Variants in DAB1 observed in about 807,000 individuals in gnomAD.
The protein encoded by DAB1 is DAB adaptor protein 1.
Under a neutral mutation model 64.6 loss-of-function variants are expected in DAB1, and 15 were observed. The ratio of observed to expected loss-of-function variants is 0.23; its 90% CI spans 0.16 to 0.36. The LOEUF (loss-of-function observed/expected upper bound fraction) is 0.36, where lower values mean the gene tolerates loss of function less well. DAB1 is among the 10% of genes least tolerant of loss of function. The probability of loss-of-function intolerance (pLI) is 1.00; values close to 1 mark genes in which losing one functional copy is unlikely to be tolerated. For missense variants in DAB1, 596 were observed against 706.7 expected (o/e 0.84, Z 1.78); for synonymous variants, 235 against 251.9 (o/e 0.93, Z 0.64).
At chr1:57,971,429 T>C (rs916069479) in intron 5 of DAB1, among the ~76,000 whole-genome samples, 6 of 152,062 alleles carry the variant, frequency 3.9e-5, no homozygotes, top group Admixed American at 3.9e-4. Context: ...AGGTCTAGAG[T>C]TCTGAAAAAT....
rs150033512 is a variant in DAB1, at chr1:57,949,235, C to T, written n.388-65073G>A. ...GATCATCAGGCATTAGTTTGATTCTCACAAGGAGTGCACAGCCTAGATCCC... is the reference window on the plus strand; with the variant it reads ...GATCATCAGGCATTAGTTTGATTCTTACAAGGAGTGCACAGCCTAGATCCC... On this transcript the variant is annotated intron_variant and non_coding_transcript_variant, in intron 5 of 20. Coordinates refer to the DAB1 transcript ENST00000485760. 1.5e-3 allele frequency among the ~76,000 whole-genome samples: 226 copies of T among 152,254 alleles called. 1 individual carries two copies. Among genetic ancestry groups the T allele is most frequent in the African/African-American group, 4.7e-3 (195 of 41,558 alleles).
intron 5 of DAB1, among the ~76,000 whole-genome samples, chr1:57,942,800 A>G (rs1036934340): frequency 8.6e-5 from 13 of 152,010 alleles, no homozygotes; most frequent in Non-Finnish European, 1.3e-4. Context: ...CTGCCTGCTC[A>G]CTCTGGTTAG....
rs1428140129 is a variant in DAB1 at position 58,518,354 on chromosome 1, G to GAAGAGAAGA, written n.107+8906_107+8907insTCTTCTCTT. ...AGAAGAGAAGAGAAGAGAAGAGAAG[G>GAAGAGAAGA]GAAGGGAAGAGAAGAGAAGGGAAGA... On this transcript the variant is annotated intron_variant and non_coding_transcript_variant, in intron 2 of 20. Transcript: ENST00000485760. Among the ~76,000 whole-genome samples the GAAGAGAAGA allele has an allele frequency of 4.3e-3, 140 of 32,368 alleles. 3 individuals carry two copies. Among genetic ancestry groups the GAAGAGAAGA allele is most frequent in the Non-Finnish European group, 7.8e-3 (99 of 12,672 alleles). 21.2% of individuals were successfully genotyped at this position (32,368 alleles called of 152,430 possible).
chr1:57,096,404 A>T (rs1557712104), intron 4 of DAB1, among the ~76,000 whole-genome samples: 1 of 152,160 alleles, frequency 6.6e-6, no homozygotes, highest in African/African-American at 2.4e-5. Flanking sequence ...ATATATTTAA[A>T]CTCCCCCATT....
At chr1:58,312,372 G>A (rs921839058) in intron 4 of DAB1, among the ~76,000 whole-genome samples, 2 of 152,186 alleles carry the variant, frequency 1.3e-5, no homozygotes, top group African/African-American at 4.8e-5. Flanking sequence ...CTGCTCCCAT[G>A]AACCAGATAC....
chr1:57,057,608 CTT>C (rs199984237), intron 9 of DAB1, among the ~76,000 whole-genome samples: 26 of 136,484 alleles, frequency 1.9e-4, no homozygotes, highest in South Asian at 2.4e-4. Flanking sequence ...TACACTGATT[CTT>C]TTTTTTTTTT....
intron 7 of DAB1, among the ~76,000 whole-genome samples, chr1:57,466,696 G>C (rs1447487572): frequency 6.6e-6 from 1 of 152,126 alleles, no homozygotes; most frequent in Non-Finnish European, 1.5e-5. Flanking sequence ...GGAGGCCCTG[G>C]GGAAGAATCA....
At chr1:58,228,575 T>C in intron 4 of DAB1, 2 of 454,390 alleles carry the variant, frequency 4.4e-6, no homozygotes, top group Non-Finnish European at 8.2e-6. Context: ...GGGGGGACTC[T>C]AGGAAGCCCT....
chr1:58,205,304 G>A (rs1158346167), intron 4 of DAB1, among the ~76,000 whole-genome samples: 2 of 152,146 alleles, frequency 1.3e-5, no homozygotes, highest in African/African-American at 4.8e-5. Flanking sequence ...CAAAGATTGT[G>A]TTATTTTAAT....
chr1:57,700,946 G>T (rs1043845388), intron 6 of DAB1, among the ~76,000 whole-genome samples: 1 of 152,018 alleles, frequency 6.6e-6, no homozygotes, highest in African/African-American at 2.4e-5. Flanking sequence ...AAAAAACACA[G>T]GAAAAAATGC....
chr1:57,979,363 A>C (rs1402399038), intron 5 of DAB1, among the ~76,000 whole-genome samples: 1 of 152,084 alleles, frequency 6.6e-6, no homozygotes, highest in East Asian at 1.9e-4. Context: ...GAGTTGAACA[A>C]CGAGAACACA....
At chr1:57,494,768 A>G (rs1200205470) in intron 7 of DAB1, among the ~76,000 whole-genome samples, 2 of 152,180 alleles carry the variant, frequency 1.3e-5, no homozygotes, top group South Asian at 2.1e-4. Context: ...ATTGTCTATC[A>G]TGATTAAAAT....
In DAB1 at chr1:57,015,264, G is replaced by A. The variant is rs1570500965; in HGVS notation, c.1063C>T (p.Pro355Ser). 6.2e-7 allele frequency: 1 copy of A among 1,614,108 alleles called. No individual in the cohort carries two copies. The highest frequency in any genetic ancestry group is 8.5e-7 in the Non-Finnish European group (1 of 1,180,038). ...GGCGGAAACTGCCCGGCCACAGTTG[G>A]CCAGGGCTGCTGAGTGGCAGGAAAG... ...GLFPATQQPW[P>S]TVAGQFPPAA... Residue 355 changes from proline (P) to serine (S), a missense_variant, in exon 12 of 15, where the codon CCA (proline) becomes TCA (serine). This residue lies in a region of DAB1 where 377 missense variants were observed against 400.4 expected (regional missense o/e 0.94). Transcript: ENST00000371236.
intron 4 of DAB1, among the ~76,000 whole-genome samples, chr1:57,080,146 C>T (rs1652356414): frequency 6.6e-6 from 1 of 152,208 alleles, no homozygotes; most frequent in African/African-American, 2.4e-5. Context: ...TCACATTGTT[C>T]TGCAACTATC....
chr1:57,813,286 T>C lies in DAB1; in HGVS notation n.551+70713A>G, dbSNP rs140673907. Among the ~76,000 whole-genome samples the C allele has an allele frequency of 1.1e-3, 164 of 152,316 alleles. 2 individuals carry two copies. In the East Asian group the frequency reaches 0.02, roughly 19 times the overall value. ...ATGATAATCAATTCTTAAGAACCAA[T>C]ATAGAACACTTGCATATCTTTTAGA... On this transcript the variant is annotated intron_variant and non_coding_transcript_variant, in intron 6 of 20. Coordinates refer to the DAB1 transcript ENST00000485760.
At chr1:57,963,791 G>T (rs545521009) in intron 5 of DAB1, among the ~76,000 whole-genome samples, 1 of 151,872 alleles carries the variant, frequency 6.6e-6, no homozygotes, top group East Asian at 1.9e-4. Flanking sequence ...AACTCATATC[G>T]CATTACATTT....
chr1:58,481,795 G>A (rs1227516452), intron 3 of DAB1, among the ~76,000 whole-genome samples: 1 of 152,050 alleles, frequency 6.6e-6, no homozygotes, highest in African/African-American at 2.4e-5. Flanking sequence ...TTTATAAAGG[G>A]CAGTTCCCCC....
intron 5 of DAB1, among the ~76,000 whole-genome samples, chr1:58,042,848 C>T (rs748034907): frequency 2.0e-5 from 3 of 151,942 alleles, no homozygotes; most frequent in East Asian, 3.9e-4. Context: ...TTAAGTGAGG[C>T]GGAGGGGAGG....
At chr1:58,124,192 TTA>T (rs112316442) in intron 5 of DAB1, among the ~76,000 whole-genome samples, 220 of 148,550 alleles carry the variant, frequency 1.5e-3, no homozygotes, top group African/African-American at 4.0e-3. Context: ...TATTCTTAGA[TTA>T]TATATATATA....
Sources: allele counts gnomAD v4.1 joint callset (sites outside exome capture counted in the v4.1 genomes callset), GRCh38; gene constraint gnomAD v4.1.1; regional missense constraint gnomAD v4.1.1; transcripts MANE v1.5; gene names NCBI Gene and HGNC (gene_info 2026-07-23, HGNC 2026-07-21).